Variants in DCC observed in about 807,000 individuals in gnomAD.
The protein encoded by DCC is DCC netrin 1 receptor, also known as netrin receptor DCC.
A neutral mutation model predicts 172.5 loss-of-function variants in DCC; 58 were observed. That is an observed-to-expected ratio of 0.34 (90% CI 0.27 to 0.42). DCC has a LOEUF of 0.42. DCC is among the 10% of genes least tolerant of loss of function. The pLI, the probability that DCC is intolerant of heterozygous loss-of-function variation, is 1.00. For missense variants in DCC, 1,740 were observed against 1,791.0 expected, an observed-to-expected ratio of 0.97 and a Z score of 0.51; for synonymous variants, 709 against 644.5, an observed-to-expected ratio of 1.10 and a Z score of -1.52.
At chr18:53,406,505 A>C (rs902101933) in intron 19 of DCC, among the ~76,000 whole-genome samples, 1 of 151,956 alleles carries the variant, frequency 6.6e-6, no homozygotes, top group South Asian at 2.1e-4. Context: ...ATGAGTTCAA[A>C]ACCAGCCTGG....
chr18:52,450,711 A>G (rs1988276141), intron 1 of DCC, among the ~76,000 whole-genome samples: 1 of 152,172 alleles, frequency 6.6e-6, no homozygotes, highest in African/African-American at 2.4e-5. Flanking sequence ...TCCTGGGCCT[A>G]GCTTATTGTT....
In DCC at chr18:52,973,734, G is replaced by A. The variant is rs117202455; in HGVS notation, c.985+48364G>A. Among the ~76,000 whole-genome samples the A allele has an allele frequency of 1.1e-3, 162 of 152,284 alleles. 5 individuals are homozygous for A. In the East Asian group the frequency reaches 0.026, roughly 25 times the overall value. Reference sequence around the variant, plus strand: ...ACAGAAGAAATTCCCAAGAGGCCTAGAGTATGTAGGATTCACATGCTGGTG... The same window carrying A: ...ACAGAAGAAATTCCCAAGAGGCCTAAAGTATGTAGGATTCACATGCTGGTG... On this transcript the variant is annotated intron_variant, in intron 5 of 28. Coordinates refer to ENST00000442544, the MANE Select transcript of DCC (RefSeq NM_005215.4).
At chr18:52,504,844 G>T (rs915631269) in intron 1 of DCC, among the ~76,000 whole-genome samples, 7 of 151,686 alleles carry the variant, frequency 4.6e-5, no homozygotes, top group Non-Finnish European at 8.8e-5. Context: ...TAAATCCCAC[G>T]CACTGTCTAC....
intron 1 of DCC, among the ~76,000 whole-genome samples, chr18:52,459,651 A>T (rs1421311026): frequency 1.3e-5 from 2 of 151,786 alleles, no homozygotes; most frequent in Non-Finnish European, 2.9e-5. Flanking sequence ...TGTATTTTTT[A>T]GTAGAGACGG....
chr18:52,868,473 CGCTGTT>C (rs2039264469), intron 2 of DCC, among the ~76,000 whole-genome samples: 1 of 152,126 alleles, frequency 6.6e-6, no homozygotes. Context: ...CTAATGAAAC[CGCTGTT>C]GCAAAAGTAT....
chr18:52,969,159 G>T (rs1417682015), intron 5 of DCC, among the ~76,000 whole-genome samples: 1 of 151,842 alleles, frequency 6.6e-6, no homozygotes, highest in Non-Finnish European at 1.5e-5. Context: ...TCCCTTTCTT[G>T]GTTTTTACTG....
At chr18:53,156,365 T>C in intron 7 of DCC, among the ~76,000 whole-genome samples, 1 of 151,714 alleles carries the variant, frequency 6.6e-6, no homozygotes, top group African/African-American at 2.4e-5. Flanking sequence ...ATGCCTGTAA[T>C]CCCAGCTACT....
At position 53,157,343 on chromosome 18, in the gene DCC, T is replaced by A. The variant is rs2054756154; in HGVS notation, c.1262-13T>A. The A allele has an allele frequency of 6.2e-7, 1 of 1,613,888 alleles. No homozygotes were observed. The highest frequency in any genetic ancestry group is 1.3e-5 in the African/African-American group (1 of 74,900). On this transcript the variant is annotated splice_polypyrimidine_tract_variant and intron_variant, in intron 7 of 28. Coordinates refer to ENST00000442544, the MANE Select transcript of DCC (RefSeq NM_005215.4). ...AGCGACACCTCTGATAGCCTCCTCTTCTTTCTCCTTAGCTATCCCAAGCTC... is the reference window on the plus strand; with the variant it reads ...AGCGACACCTCTGATAGCCTCCTCTACTTTCTCCTTAGCTATCCCAAGCTC...
chr18:53,250,060 A>G (rs1015868432), intron 12 of DCC, among the ~76,000 whole-genome samples: 1 of 151,976 alleles, frequency 6.6e-6, no homozygotes, highest in Non-Finnish European at 1.5e-5. Flanking sequence ...TGTTGAAAAG[A>G]CATTAATACA....
intron 7 of DCC, among the ~76,000 whole-genome samples, chr18:53,103,234 A>G (rs1028367853): frequency 2.0e-5 from 3 of 152,066 alleles, no homozygotes; most frequent in Admixed American, 1.3e-4. Context: ...CCCAGCTTCT[A>G]TCAGTGAGAG....
chr18:53,450,564 G>A lies in DCC; in HGVS notation c.3294G>A (p.Leu1098=). The stretch of plus-strand genomic sequence containing the variant: ...TCACTCCTCAGAAGAACAGCAACCT[G>A]CTTGTGATCATTGTGGTCACCGTTG... ...GSVTPQKNSN[L]LVIIVVTVGV... is the part of the protein sequence containing the mutation. The change falls in exon 23 of 29, where the codon CTG becomes CTA. Residue 1098 remains leucine (L), a synonymous_variant. Transcript: ENST00000442544. 6.2e-7 allele frequency: 1 copy of A among 1,614,012 alleles called. No individual in the cohort carries two copies. The highest frequency in any genetic ancestry group is 8.5e-7 in the Non-Finnish European group (1 of 1,179,978).
In DCC at chr18:52,960,924, TCA is replaced by T. The variant is rs61392436; in HGVS notation, c.985+35558_985+35559del. ...ATTTTTGTAGTAAGACTAAAGTAGG[TCA>T]CACGCTGAATTTTGATGGCTCTTTA... On this transcript the variant is annotated intron_variant, in intron 5 of 28. Transcript: ENST00000442544. Among the ~76,000 whole-genome samples the T allele has an allele frequency of 1.5e-3, 236 of 152,292 alleles. 1 individual carries two copies. The highest frequency in any genetic ancestry group is 5.4e-3 in the African/African-American group (224 of 41,578).
intron 24 of DCC, among the ~76,000 whole-genome samples, chr18:53,462,126 C>G (rs893859180): frequency 1.3e-5 from 2 of 152,122 alleles, no homozygotes; most frequent in Non-Finnish European, 2.9e-5. Context: ...GGGCTAACCT[C>G]TATGTGGTAT....
At chr18:53,034,931 A>C (rs1044430571) in intron 5 of DCC, among the ~76,000 whole-genome samples, 1 of 152,036 alleles carries the variant, frequency 6.6e-6, no homozygotes, top group African/African-American at 2.4e-5. Flanking sequence ...TAAATAGCCC[A>C]TTCACACTAC....
rs188125065 is a variant in DCC, at chr18:53,473,628, A to T, written c.3736+5618A>T. ...TAATTATTATTTTCATTTAATCCTC[A>T]CAATATTATCATGTGGTAAGATTAT... On this transcript the variant is annotated intron_variant, in intron 25 of 28. Transcript: ENST00000442544. 3.9e-5 allele frequency among the ~76,000 whole-genome samples: 6 copies of T among 152,300 alleles called. No individual in the cohort carries two copies. The East Asian group carries it at 1.2e-3, about 29-fold the overall frequency.
intron 2 of DCC, among the ~76,000 whole-genome samples, chr18:52,777,015 G>T (rs559195275): frequency 3.6e-4 from 54 of 152,094 alleles, no homozygotes; most frequent in African/African-American, 1.3e-3. Context: ...GCCTTTTTGT[G>T]TGTGTTTTGA....
chr18:52,769,505 T>C (rs781085235), intron 2 of DCC, among the ~76,000 whole-genome samples: 2 of 152,186 alleles, frequency 1.3e-5, no homozygotes, highest in Non-Finnish European at 2.9e-5. Context: ...GTAAATATTT[T>C]CTCCTGTTCT....
chr18:52,796,499 C>T (rs2037880371), intron 2 of DCC, among the ~76,000 whole-genome samples: 2 of 152,206 alleles, frequency 1.3e-5, no homozygotes, highest in South Asian at 4.1e-4. Context: ...TTGTAGGAAC[C>T]AGTCTATTGG....
At chr18:52,673,656 T>C (rs551747666) in intron 1 of DCC, among the ~76,000 whole-genome samples, 16 of 152,216 alleles carry the variant, frequency 1.1e-4, no homozygotes, top group South Asian at 4.1e-4. Context: ...GGGGAGTAAA[T>C]AAGGCCTTTT....
Sources: allele counts gnomAD v4.1 joint callset (sites outside exome capture counted in the v4.1 genomes callset), GRCh38; gene constraint gnomAD v4.1.1; transcripts MANE v1.5; gene names NCBI Gene and HGNC (gene_info 2026-07-23, HGNC 2026-07-21).